TNS4: variants seen among roughly 807,000 people sequenced by gnomAD.
TNS4 encodes tensin 4, also known as tensin-4.
TNS4 carries 46 observed loss-of-function variants against 70.4 expected under a neutral mutation model. That is an observed-to-expected ratio of 0.65 (90% CI 0.52 to 0.84). TNS4 has a LOEUF of 0.84. Ranked by LOEUF, TNS4 falls within the 40% of genes least tolerant of loss-of-function variation. The pLI, the probability that TNS4 is intolerant of heterozygous loss-of-function variation, is 0.00. For synonymous variants in TNS4, 390 were observed against 366.6 expected (o/e 1.06, Z -0.73); for missense variants, 863 against 907.0 (o/e 0.95, Z 0.62).
At chr17:40,492,077 G>C (rs2036077999) in intron 2 of TNS4, among the ~76,000 whole-genome samples, 1 of 152,172 alleles carries the variant, frequency 6.6e-6, no homozygotes, top group African/African-American at 2.4e-5. Flanking sequence ...AGGGAACCTG[G>C]GGAAGGTTTG....
chr17:40,478,520 G>A (rs1432505381), intron 11 of TNS4, 60 bp downstream of exon 11: 12 of 1,598,422 alleles, frequency 7.5e-6, no homozygotes, highest in Admixed American at 5.0e-5. Context: ...TCGGCAGGAC[G>A]CCTTGGTGGG....
intron 2 of TNS4, 76 bp from the exon 3 acceptor site, chr17:40,489,045 T>C (rs976026412): frequency 2.9e-6 from 4 of 1,357,656 alleles, no homozygotes; most frequent in Non-Finnish European, 3.9e-6. Flanking sequence ...GGAAGTATCC[T>C]CAAGGTCATT....
chr17:40,500,948 T>C (rs922842403), intron 1 of TNS4, among the ~76,000 whole-genome samples: 4 of 152,166 alleles, frequency 2.6e-5, no homozygotes, highest in African/African-American at 7.2e-5. Context: ...GCCTGGGTTC[T>C]GTGTCCAGTC....
rs913679820 is a variant in TNS4 at position 40,487,206 on chromosome 17, G to T, written c.1118C>A (p.Pro373His). ...PSITNSMVDI[P>H]IVLINGCPEP... ...TGGGCAGCCGTTGATCAGCACAATG[G>T]GTATGTCCACCATGGAGTTGGTGAT... The change falls in exon 4 of 13, where the codon CCC (proline) becomes CAC (histidine). Residue 373 changes from proline (P) to histidine (H), a missense_variant. Pro to His is a moderately conservative substitution (Grantham distance 77). Coordinates refer to ENST00000254051, the MANE Select transcript of TNS4 (RefSeq NM_032865.6). 1 of 1,614,168 alleles carries T rather than the reference G, an allele frequency of 6.2e-7. No individual in the cohort carries two copies. Among genetic ancestry groups the T allele is most frequent in the African/African-American group, 1.3e-5 (1 of 75,040 alleles).
chr17:40,496,357 C>G lies in TNS4; in HGVS notation c.69G>C (p.Glu23Asp), dbSNP rs1460115740. ...GTGCTGGGTGCAGGGTCCTCCTGGG[C>G]TCATCACAAGGCGCCAAGCTGACAG... ...GHAVSLAPCD[E>D]PRRTLHPAPS... The change falls in exon 2 of 13, where the codon GAG becomes GAC. Residue 23 changes from glutamate to aspartate, a missense_variant. Transcript: ENST00000254051. 8.1e-6 allele frequency: 13 copies of G among 1,613,374 alleles called. No homozygotes were observed. In the African/African-American group the frequency reaches 1.6e-4, roughly 20 times the overall value.
intron 6 of TNS4, among the ~76,000 whole-genome samples, chr17:40,483,532 G>A (rs1223331340): frequency 1.3e-5 from 2 of 152,102 alleles, no homozygotes; most frequent in African/African-American, 4.8e-5. Flanking sequence ...GATAAATGTC[G>A]ACTCTTTGGT....
intron 4 of TNS4, among the ~76,000 whole-genome samples, chr17:40,485,849 T>C (rs1282665902): frequency 6.6e-6 from 1 of 152,200 alleles, no homozygotes; most frequent in Non-Finnish European, 1.5e-5. Context: ...TCAAAAAAAG[T>C]ACTAAAATCT....
Position 40,479,570 on chromosome 17 carries a change from GA to G in TNS4, c.1910+103del, listed in dbSNP as rs759686255. 2.6e-5 allele frequency: 38 copies of G among 1,444,372 alleles called. No homozygotes were observed. The East Asian group carries it at 3.0e-4, about 12-fold the overall frequency. The allele number at this position is 1,444,372 out of a possible 1,614,324, so 89.5% of individuals were successfully genotyped here. Reference sequence around the variant, plus strand: ...ATCACTGGCCCCGCTGGGTCATCCAGAACCCTGAACTTGACCTTCATCCCTG... The same window carrying G: ...ATCACTGGCCCCGCTGGGTCATCCAGACCCTGAACTTGACCTTCATCCCTG... On this transcript the variant is annotated intron_variant, in intron 10 of 12. Coordinates refer to ENST00000254051, the MANE Select transcript of TNS4 (RefSeq NM_032865.6).
chr17:40,478,262 C>T (rs2035875558), intron 12 of TNS4, 45 bp downstream of exon 12: 2 of 1,612,936 alleles, frequency 1.2e-6, no homozygotes, highest in African/African-American at 1.3e-5. Flanking sequence ...TTCTGCAGTT[C>T]CCTCCCCATG....
intron 2 of TNS4, among the ~76,000 whole-genome samples, chr17:40,494,216 T>G (rs2036111289): frequency 6.6e-6 from 1 of 152,236 alleles, no homozygotes; most frequent in South Asian, 2.1e-4. Flanking sequence ...GCATATGGTG[T>G]GCCAGGATTT....
At position 40,477,290 on chromosome 17, in the gene TNS4, G is replaced by C. The variant is rs534177827; in HGVS notation, c.*298C>G. 3.0e-6 allele frequency: 1 copy of C among 338,362 alleles called. No individual in the cohort carries two copies. Among genetic ancestry groups the C allele is most frequent in the Admixed American group, 4.4e-5 (1 of 22,888 alleles). 21.0% of individuals were successfully genotyped at this position (338,362 alleles called of 1,614,324 possible). On this transcript the variant is annotated 3_prime_UTR_variant, in exon 13 of 13. Transcript: ENST00000254051. ...TTATTTTCATGCAGGGGTCTTCAGAGGTGTGCATGCTTCAGAATCATGGAG... is the reference window on the plus strand; with the variant it reads ...TTATTTTCATGCAGGGGTCTTCAGACGTGTGCATGCTTCAGAATCATGGAG...
chr17:40,486,837 C>T (rs763891125), intron 4 of TNS4, among the ~76,000 whole-genome samples, 199 bp downstream of exon 4: 5 of 152,220 alleles, frequency 3.3e-5, no homozygotes, highest in African/African-American at 7.2e-5. Flanking sequence ...TTTACCTCCG[C>T]GTTTATCCTA....
intron 8 of TNS4, 147 bp from the exon 9 acceptor site, chr17:40,480,915 A>T: frequency 1.1e-6 from 1 of 926,074 alleles, no homozygotes; most frequent in Non-Finnish European, 1.6e-6. Flanking sequence ...AGGTGTGATT[A>T]CCGTAATTAG....
Position 40,487,098 on chromosome 17 carries a change from CA to C in TNS4, c.1225del (p.Cys409ValfsTer31). ...CTGGCTGTTGCTCCTGGTGGCTGGA[CA>C]GGGGTTGCTGGGAGAAGCAGCTCCA... is the stretch of plus-strand genomic sequence containing the variant. ...QPGAASPSNP[C>X]PATRSNSQTL... On this transcript the variant is annotated frameshift_variant, in exon 4 of 13. Transcript: ENST00000254051. LOFTEE classifies it high-confidence loss of function. The C allele has an allele frequency of 1.2e-6, 2 of 1,614,178 alleles. No homozygotes were observed. Among genetic ancestry groups the C allele is most frequent in the Non-Finnish European group, 1.7e-6 (2 of 1,180,032 alleles).
At chr17:40,496,608 T>C in intron 1 of TNS4, 88 bp from the exon 2 acceptor site, 5 of 613,338 alleles carry the variant, frequency 8.2e-6, no homozygotes, top group Non-Finnish European at 1.3e-5. Context: ...AGTTATTCAT[T>C]CATTTAAAAG....
chr17:40,489,513 G>A (rs1361724745), intron 2 of TNS4, among the ~76,000 whole-genome samples: 1 of 152,176 alleles, frequency 6.6e-6, no homozygotes, highest in Non-Finnish European at 1.5e-5. Context: ...ATGTGTGAAA[G>A]TGGTTTCTCT....
intron 6 of TNS4, 24 bp downstream of exon 6, chr17:40,484,460 G>A (rs1476080683): frequency 1.9e-6 from 3 of 1,606,346 alleles, no homozygotes; most frequent in Admixed American, 1.7e-5. Context: ...GAGGCCTTGA[G>A]TGAGCACAGA....
intron 4 of TNS4, among the ~76,000 whole-genome samples, chr17:40,486,697 C>A (rs1026867225): frequency 6.6e-6 from 1 of 152,080 alleles, no homozygotes; most frequent in Non-Finnish European, 1.5e-5. Context: ...GCTGGGAATG[C>A]CTTTCCTCTC....
rs1203179707 is a variant in TNS4, at chr17:40,476,355, T to C, written c.*1233A>G. 1 of 144,152 alleles carries C rather than the reference T, an allele frequency of 6.9e-6. No individual in the cohort carries two copies. Among genetic ancestry groups the C allele is most frequent in the African/African-American group, 2.6e-5 (1 of 38,416 alleles). The allele number at this position is 144,152 out of a possible 1,614,324, so 8.9% of individuals were successfully genotyped here. On this transcript the variant is annotated 3_prime_UTR_variant, in exon 13 of 13. Coordinates refer to ENST00000254051, the MANE Select transcript of TNS4 (RefSeq NM_032865.6). ...GGCTGTGAGGCTGGTTGAAGCCACA[T>C]AGCAGTAGAGGGGCGTGTGTGTGTG...
Sources: gnomAD v4.1 joint callset for allele counts (sites outside exome capture counted in the v4.1 genomes callset) on GRCh38, gnomAD v4.1.1 for gene constraint, MANE v1.5 for transcripts, NCBI Gene and HGNC (gene_info 2026-07-23, HGNC 2026-07-21) for gene names.